Variants in SLC35D2 observed in about 807,000 individuals in gnomAD.
The protein encoded by SLC35D2 is nucleotide sugar transporter SLC35D2.
In SLC35D2, 43 loss-of-function variants were observed where a neutral mutation model predicts 41.8. The observed-to-expected ratio is 1.03, with a 90% CI of 0.81 to 1.33. The LOEUF is 1.33. SLC35D2 is among the 40% of genes most tolerant of loss of function. The probability of loss-of-function intolerance (pLI) is 0.00; values close to 1 mark genes in which losing one functional copy is unlikely to be tolerated. For synonymous variants in SLC35D2, 150 were observed against 163.9 expected (o/e 0.92, Z 0.65); for missense variants, 380 against 408.4 (o/e 0.93, Z 0.60).
chr9:96,324,395 CTCAT>C (rs1828408504), intron 9 of SLC35D2, among the ~76,000 whole-genome samples: 2 of 152,172 alleles, frequency 1.3e-5, no homozygotes, highest in Non-Finnish European at 2.9e-5. Context: ...AGGTATCCTT[CTCAT>C]TTTCTCTGTA....
chr9:96,331,341 T>C (rs1397000747), intron 9 of SLC35D2, among the ~76,000 whole-genome samples: 1 of 152,220 alleles, frequency 6.6e-6, no homozygotes, highest in Non-Finnish European at 1.5e-5. Flanking sequence ...AAATGCAGAT[T>C]TGCTGAAAGC....
At chr9:96,351,012 G>A (rs1829788123) in intron 6 of SLC35D2, 91 bp downstream of exon 6, 3 of 961,290 alleles carry the variant, frequency 3.1e-6, no homozygotes, top group African/African-American at 3.2e-5. Flanking sequence ...TTCAACAGCA[G>A]CCAGATGGAA....
At chr9:96,336,050 CAA>C (rs56681611) in intron 9 of SLC35D2, among the ~76,000 whole-genome samples, 50 of 110,214 alleles carry the variant, frequency 4.5e-4, no homozygotes, top group Admixed American at 4.8e-4. Context: ...ACTCCATCTT[CAA>C]AAAAAAAAAA....
At position 96,352,061 on chromosome 9, in the gene SLC35D2, T is replaced by TA; in HGVS notation, c.395dup (p.Leu132PhefsTer34). On this transcript the variant is annotated frameshift_variant, in exon 5 of 12. Transcript: ENST00000253270. LOFTEE classifies it high-confidence loss of function. ...ACCCAAGTATGATGGTTTCCAGAAG[T>TA]AAGGTAAGTGGAATGGTGAATTTCC... 1 of 1,612,188 alleles carries TA rather than the reference T, an allele frequency of 6.2e-7. No individual in the cohort carries two copies.
At chr9:96,353,864 C>T (rs1025598256) in intron 4 of SLC35D2, among the ~76,000 whole-genome samples, 5 of 152,178 alleles carry the variant, frequency 3.3e-5, no homozygotes, top group Non-Finnish European at 7.3e-5. Flanking sequence ...TAGATGCGAC[C>T]CTGAGCGGCC....
chr9:96,380,971 T>TA (rs1314414242), intron 1 of SLC35D2, among the ~76,000 whole-genome samples: 1 of 152,092 alleles, frequency 6.6e-6, no homozygotes, highest in Non-Finnish European at 1.5e-5. Context: ...CACCAAAAAA[T>TA]ATCCCAAATC....
intron 1 of SLC35D2, chr9:96,374,024 A>C (rs550911108): frequency 9.2e-5 from 14 of 152,278 alleles, no homozygotes; most frequent in South Asian, 2.1e-4. Context: ...GGGGAATCCC[A>C]GTACTGTGTG....
intron 10 of SLC35D2, among the ~76,000 whole-genome samples, chr9:96,323,510 TTAGC>T (rs1828353260): frequency 1.3e-5 from 2 of 152,166 alleles, no homozygotes; most frequent in Admixed American, 1.3e-4. Context: ...TTTATTCTTT[TTAGC>T]TTTTTACTTC....
At chr9:96,328,859 G>GAAGAACTCACTCCT (rs1385248355) in intron 9 of SLC35D2, among the ~76,000 whole-genome samples, 4 of 151,960 alleles carry the variant, frequency 2.6e-5, no homozygotes, top group Admixed American at 2.6e-4. Context: ...CCATCTCTAG[G>GAAGAACTCACTCCT]AAGAACTCAC....
chr9:96,378,339 T>C (rs547894685), intron 1 of SLC35D2, among the ~76,000 whole-genome samples: 20 of 151,352 alleles, frequency 1.3e-4, no homozygotes, highest in African/African-American at 4.9e-4. Flanking sequence ...AGGCTGACTT[T>C]GGAGGATTGT....
chr9:96,375,255 A>G (rs1401055908), intron 1 of SLC35D2, among the ~76,000 whole-genome samples: 1 of 151,796 alleles, frequency 6.6e-6, no homozygotes, highest in African/African-American at 2.4e-5. Flanking sequence ...ATTCTTTATA[A>G]TAATCACAAC....
chr9:96,345,619 A>G (rs1829539475), intron 6 of SLC35D2, among the ~76,000 whole-genome samples: 1 of 152,230 alleles, frequency 6.6e-6, no homozygotes, highest in Admixed American at 6.5e-5. Flanking sequence ...GCTTAAAACC[A>G]GAGCGACATT....
chr9:96,329,106 A>G (rs1257214901), intron 9 of SLC35D2, among the ~76,000 whole-genome samples: 17 of 150,772 alleles, frequency 1.1e-4, no homozygotes, highest in Admixed American at 6.0e-4. Context: ...AAAAAAAAAG[A>G]CATTATTTAT....
intron 8 of SLC35D2, among the ~76,000 whole-genome samples, chr9:96,341,145 G>T (rs1829307203): frequency 6.6e-6 from 1 of 151,978 alleles, no homozygotes; most frequent in Middle Eastern, 3.2e-3. Context: ...AAATTAGCTG[G>T]GTGTGGTGGT....
At chr9:96,368,174 A>T (rs926849792) in intron 2 of SLC35D2, 98 bp downstream of exon 2, 35 of 867,968 alleles carry the variant, frequency 4.0e-5, no homozygotes, top group Non-Finnish European at 5.9e-5. Context: ...TGCCAGCTGA[A>T]TAAATTTGCA....
At chr9:96,321,703 G>T (rs376960965) in intron 11 of SLC35D2, among the ~76,000 whole-genome samples, 15 of 152,122 alleles carry the variant, frequency 9.9e-5, no homozygotes, top group African/African-American at 3.6e-4. Context: ...GGGCACAAAG[G>T]TTAACACCCT....
At chr9:96,353,801 A>C (rs1829911144) in intron 4 of SLC35D2, among the ~76,000 whole-genome samples, 1 of 152,234 alleles carries the variant, frequency 6.6e-6, no homozygotes, top group African/African-American at 2.4e-5. Context: ...AGCTCAGCGC[A>C]TAGTCAACAG....
intron 9 of SLC35D2, among the ~76,000 whole-genome samples, chr9:96,324,930 C>T (rs7869506): frequency 0.32 from 48,298 of 152,000 alleles, 7,872 homozygotes; most frequent in Admixed American, 0.36. Flanking sequence ...GGTGGGGCCC[C>T]GACCGTGCAC....
chr9:96,360,204 G>A lies in SLC35D2; in HGVS notation c.297C>T (p.Leu99=). The A allele has an allele frequency of 6.2e-7, 1 of 1,612,028 alleles. No individual in the cohort carries two copies. Among genetic ancestry groups the A allele is most frequent in the South Asian group, 1.1e-5 (1 of 90,922 alleles). Residue 99 remains leucine, a synonymous_variant, in exon 4 of 12, where the codon CTC becomes CTT. Coordinates refer to ENST00000253270, the MANE Select transcript of SLC35D2 (RefSeq NM_007001.3). ...KIPVKLFPLP[L]LYVGNHISGL... ...CACTTATGTGGTTTCCAACGTAGAGGAGAGGCAGAGGAAACAGCTTCCATT... is the reference window on the plus strand; with the variant it reads ...CACTTATGTGGTTTCCAACGTAGAGAAGAGGCAGAGGAAACAGCTTCCATT...
Sources: gnomAD v4.1 joint callset for allele counts (sites outside exome capture counted in the v4.1 genomes callset) on GRCh38, gnomAD v4.1.1 for gene constraint, MANE v1.5 for transcripts, NCBI Gene and HGNC (gene_info 2026-07-23, HGNC 2026-07-21) for gene names.